The following CACNA1E variants were observed in gnomAD, a reference collection of about 807,000 sequenced individuals.
The protein encoded by CACNA1E is voltage-dependent R-type calcium channel subunit alpha-1E.
Under a neutral mutation model 259.2 loss-of-function variants are expected in CACNA1E, and 40 were observed. That is an observed-to-expected ratio of 0.15 (90% confidence interval 0.12 to 0.20). CACNA1E has a LOEUF of 0.20. Among genes scored for constraint, CACNA1E ranks in the 10% least tolerant of loss-of-function variants. The pLI, the probability that CACNA1E is intolerant of heterozygous loss-of-function variation, is 1.00. For synonymous variants in CACNA1E, 1,104 were observed against 1,138.5 expected (o/e 0.97, Z 0.61); for missense variants, 1,874 against 3,040.1 (o/e 0.62, Z 9.02).
At chr1:181,533,262 C>G (rs182075040) in intron 3 of CACNA1E, among the ~76,000 whole-genome samples, 1 of 149,786 alleles carries the variant, frequency 6.7e-6, no homozygotes, top group East Asian at 2.0e-4. Context: ...TATTTTCTAG[C>G]ATAAGTTATG....
chr1:181,533,457 T>C (rs1404901735), intron 3 of CACNA1E, among the ~76,000 whole-genome samples: 5 of 151,218 alleles, frequency 3.3e-5, no homozygotes, highest in African/African-American at 4.9e-5. Flanking sequence ...ATATATGTGG[T>C]CTGTTTTTAG....
At chr1:181,318,339 T>C (rs998234207) in intron 1 of CACNA1E, among the ~76,000 whole-genome samples, 1 of 152,154 alleles carries the variant, frequency 6.6e-6, no homozygotes, top group Non-Finnish European at 1.5e-5. Flanking sequence ...GCACGCTCTG[T>C]CCGTTCCTTT....
intron 1 of CACNA1E, among the ~76,000 whole-genome samples, chr1:181,336,343 C>T (rs1401981622): frequency 1.3e-5 from 2 of 152,188 alleles, no homozygotes; most frequent in African/African-American, 4.8e-5. Flanking sequence ...AGGCACTACT[C>T]TAAGCCCTAT....
At chr1:181,629,671 C>G (rs1443458989) in intron 6 of CACNA1E, among the ~76,000 whole-genome samples, 1 of 151,680 alleles carries the variant, frequency 6.6e-6, no homozygotes, top group African/African-American at 2.4e-5. Flanking sequence ...ATATAAAGAG[C>G]CTCTATACAT....
At chr1:181,768,148 C>G (rs2102747944) in intron 35 of CACNA1E, among the ~76,000 whole-genome samples, 1 of 152,228 alleles carries the variant, frequency 6.6e-6, no homozygotes, top group African/African-American at 2.4e-5. Flanking sequence ...AGTTCTTACC[C>G]CTTTTCATCT....
At chr1:181,510,649 A>G (rs1666085184) in intron 2 of CACNA1E, 67 bp downstream of exon 2, 1 of 1,001,602 alleles carries the variant, frequency 1.0e-6, no homozygotes, top group South Asian at 1.3e-5. Context: ...CCTCTGCTTT[A>G]TCACTCTCCC....
intron 3 of CACNA1E, among the ~76,000 whole-genome samples, chr1:181,564,885 A>T (rs576681357): frequency 7.7e-6 from 1 of 129,798 alleles, no homozygotes; most frequent in East Asian, 3.2e-4. Flanking sequence ...TTTGAAAGGA[A>T]TCTTTTTTTT....
At chr1:181,741,606 G>A (rs1656582158) in intron 25 of CACNA1E, among the ~76,000 whole-genome samples, 2 of 152,166 alleles carry the variant, frequency 1.3e-5, no homozygotes, top group African/African-American at 4.8e-5. Context: ...CTGGTGTGTT[G>A]GTGCCAGTGT....
intron 3 of CACNA1E, among the ~76,000 whole-genome samples, chr1:181,520,333 G>T (rs146136080): frequency 1.3e-5 from 2 of 149,686 alleles, no homozygotes; most frequent in African/African-American, 4.9e-5. Flanking sequence ...CACTGCCAAA[G>T]TGTTTTGCAA....
intron 1 of CACNA1E, among the ~76,000 whole-genome samples, chr1:181,399,687 T>A (rs191726819): frequency 6.6e-6 from 1 of 152,260 alleles, no homozygotes; most frequent in African/African-American, 2.4e-5. Flanking sequence ...TCTCACCTCA[T>A]GTTCAGCATT....
rs563146208 is a variant in CACNA1E, at chr1:181,717,027, G to A, written c.1316-66G>A. Reference sequence around the variant, plus strand: ...ACTAGAGCAGCCCATCTTGCCCTTCGAATGCTCCCTGGCCCGGACCACAGG... The same window carrying A: ...ACTAGAGCAGCCCATCTTGCCCTTCAAATGCTCCCTGGCCCGGACCACAGG... On this transcript the variant is annotated intron_variant, in intron 10 of 47. Transcript: ENST00000367573. The A allele has an allele frequency of 5.4e-5, 76 of 1,409,632 alleles. No homozygotes were observed. In the African/African-American group the frequency reaches 9.4e-4, roughly 17 times the overall value. The allele number at this position is 1,409,632 out of a possible 1,614,324, so 87.3% of individuals were successfully genotyped here. A position where few individuals can be genotyped will look rare whatever the true frequency, so the allele number is the denominator to read the frequency against.
At chr1:181,463,077 TTA>T (rs1253099685) in intron 2 of CACNA1E, among the ~76,000 whole-genome samples, 1 of 152,170 alleles carries the variant, frequency 6.6e-6, no homozygotes, top group Non-Finnish European at 1.5e-5. Flanking sequence ...TAGTTCCCCC[TTA>T]TCTGCAGGGG....
At chr1:181,491,787 C>T (rs1039271582) in intron 1 of CACNA1E, among the ~76,000 whole-genome samples, 1 of 152,220 alleles carries the variant, frequency 6.6e-6, no homozygotes, top group African/African-American at 2.4e-5. Context: ...GGGACATGCA[C>T]CCATTTAATT....
At chr1:181,665,849 A>T (rs796334113) in intron 7 of CACNA1E, among the ~76,000 whole-genome samples, 10 of 152,302 alleles carry the variant, frequency 6.6e-5, no homozygotes, top group African/African-American at 2.2e-4. Flanking sequence ...CGAAGTGTAC[A>T]TATTCACTTA....
At chr1:181,412,230 A>G (rs1272373586) in intron 1 of CACNA1E, among the ~76,000 whole-genome samples, 1 of 152,200 alleles carries the variant, frequency 6.6e-6, no homozygotes, top group Non-Finnish European at 1.5e-5. Context: ...AGGCACAGGC[A>G]TTAAAAAAGG....
chr1:181,745,257 C>T, intron 25 of CACNA1E: 1 of 382,700 alleles, frequency 2.6e-6, no homozygotes, highest in Admixed American at 3.3e-5. Flanking sequence ...ATTGGTACTG[C>T]TGAGGAACTG....
chr1:181,495,505 G>A (rs1664670795), intron 1 of CACNA1E, among the ~76,000 whole-genome samples: 1 of 152,208 alleles, frequency 6.6e-6, no homozygotes, highest in African/African-American at 2.4e-5. Context: ...AGTAAGCTGT[G>A]AATAAATCTT....
chr1:181,338,967 G>C (rs1435042966), intron 1 of CACNA1E, among the ~76,000 whole-genome samples: 1 of 151,602 alleles, frequency 6.6e-6, no homozygotes, highest in Non-Finnish European at 1.5e-5. Flanking sequence ...AAAATTAGTT[G>C]ACTGTCTATG....
chr1:181,514,668 G>A (rs953185840), intron 3 of CACNA1E, among the ~76,000 whole-genome samples: 1 of 151,968 alleles, frequency 6.6e-6, no homozygotes, highest in African/African-American at 2.4e-5. Context: ...ATGACACAGT[G>A]CCTCAGGGCT....
Sources: allele counts gnomAD v4.1 joint callset (sites outside exome capture counted in the v4.1 genomes callset), GRCh38; gene constraint gnomAD v4.1.1; transcripts MANE v1.5; gene names NCBI Gene and HGNC (gene_info 2026-07-23, HGNC 2026-07-21).